The following DNAH9 variants were observed in gnomAD, a reference collection of about 807,000 sequenced individuals.
The protein encoded by DNAH9 is DNAH9 variant protein.
A neutral mutation model predicts 471.6 loss-of-function variants in DNAH9; 345 were observed. That is an observed-to-expected ratio of 0.73 (90% CI 0.67 to 0.80). The LOEUF is 0.80. DNAH9 is among the 30% of genes least tolerant of loss of function. The pLI is 0.00. For missense variants in DNAH9, 5,407 were observed against 5,609.2 expected (o/e 0.96, Z 1.15); for synonymous variants, 2,093 against 2,123.6 (o/e 0.99, Z 0.40).
At chr17:11,874,650 G>A (rs938084251) in intron 52 of DNAH9, among the ~76,000 whole-genome samples, 10 of 151,924 alleles carry the variant, frequency 6.6e-5, no homozygotes, top group African/African-American at 2.4e-4. Context: ...GGAGGTCGTA[G>A]ATTAAAATAC....
chr17:11,598,483 C>G lies in DNAH9; in HGVS notation c.-16C>G. On this transcript the variant is annotated 5_prime_UTR_variant, in exon 1 of 69. Coordinates refer to ENST00000262442, the MANE Select transcript of DNAH9 (RefSeq NM_001372.4). ...CCCGTCGCTAGGGAAACCGATGCAG[C>G]TGGAGGCCGCGCGCGATGCGGCTCG... 1.5e-6 allele frequency: 2 copies of G among 1,359,300 alleles called. No individual in the cohort carries two copies. Among genetic ancestry groups the G allele is most frequent in the Non-Finnish European group, 1.9e-6 (2 of 1,063,546 alleles). The allele number at this position is 1,359,300 out of a possible 1,614,324, so 84.2% of individuals were successfully genotyped here.
chr17:11,899,314 G>A (rs1451617686), intron 59 of DNAH9, among the ~76,000 whole-genome samples: 2 of 152,014 alleles, frequency 1.3e-5, no homozygotes, highest in Non-Finnish European at 2.9e-5. Context: ...CCTTTGTAAG[G>A]GTTTTTTAGG....
At chr17:11,783,328 G>T (rs185558110) in intron 39 of DNAH9, among the ~76,000 whole-genome samples, 74 of 152,314 alleles carry the variant, frequency 4.9e-4, no homozygotes, top group African/African-American at 1.5e-3. Flanking sequence ...TCTCTCTGCA[G>T]CCCTTGATGT....
At chr17:11,924,441 T>A (rs1974245927) in intron 62 of DNAH9, among the ~76,000 whole-genome samples, 1 of 152,028 alleles carries the variant, frequency 6.6e-6, no homozygotes, top group Non-Finnish European at 1.5e-5. Context: ...CTACTACTGA[T>A]AATTTGACTG....
rs11078027 is a variant in DNAH9, at chr17:11,707,217, G to A, written c.5552+2032G>A. ...AAAGGAATTGTATGTCTGAATAACT[G>A]GTTCACTGAGATGAATGACTTGTAG... On this transcript the variant is annotated intron_variant, in intron 26 of 68. Transcript: ENST00000262442. Among the ~76,000 whole-genome samples the A allele has an allele frequency of 9.3e-3, 1,414 of 152,284 alleles. 23 individuals are homozygous for A. Among genetic ancestry groups the A allele is most frequent in the African/African-American group, 0.032 (1,317 of 41,554 alleles).
chr17:11,598,720 G>A lies in DNAH9; in HGVS notation c.222G>A (p.Val74=). ...AAEGPRPLLV[V]RPGPRGLAIR... ...AGGGGCCGCGGCCGCTGCTGGTGGT[G>A]CGGCCCGGGCCCAGGGGCCTGGCAA... The change falls in exon 1 of 69, where the codon GTG becomes GTA. Residue 74 remains valine (V), a synonymous_variant. Transcript: ENST00000262442. The A allele has an allele frequency of 7.2e-7, 1 of 1,381,882 alleles. No individual in the cohort carries two copies. The highest frequency in any genetic ancestry group is 1.5e-5 in the African/African-American group (1 of 65,304). 85.6% of individuals were successfully genotyped at this position (1,381,882 alleles called of 1,614,324 possible). A position where few individuals can be genotyped will look rare whatever the true frequency, so the allele number is the denominator to read the frequency against.
At chr17:11,734,789 T>C (rs1027566410) in intron 28 of DNAH9, among the ~76,000 whole-genome samples, 2 of 152,204 alleles carry the variant, frequency 1.3e-5, no homozygotes, top group African/African-American at 4.8e-5. Context: ...AACCAAAATT[T>C]CTATGAGCAC....
At chr17:11,803,770 G>T (rs1348033564) in intron 43 of DNAH9, among the ~76,000 whole-genome samples, 1 of 152,182 alleles carries the variant, frequency 6.6e-6, no homozygotes, top group Non-Finnish European at 1.5e-5. Flanking sequence ...AATAGGGCTG[G>T]GGGGTTGGGT....
intron 48 of DNAH9, among the ~76,000 whole-genome samples, chr17:11,825,215 CTGTT>C (rs145011173): frequency 0.018 from 2,812 of 152,236 alleles, 93 homozygotes; most frequent in East Asian, 0.17. Context: ...TGATCACTTT[CTGTT>C]TGTTTCAATC....
At chr17:11,838,016 A>G (rs1970903018) in intron 49 of DNAH9, among the ~76,000 whole-genome samples, 1 of 152,244 alleles carries the variant, frequency 6.6e-6, no homozygotes, top group African/African-American at 2.4e-5. Flanking sequence ...TTAATTTCAG[A>G]AAAAAATTAA....
At chr17:11,849,151 T>C (rs1037863160) in intron 49 of DNAH9, among the ~76,000 whole-genome samples, 1 of 152,138 alleles carries the variant, frequency 6.6e-6, no homozygotes, top group African/African-American at 2.4e-5. Context: ...TTTGTAAAAG[T>C]ATTCATAAGT....
intron 38 of DNAH9, among the ~76,000 whole-genome samples, chr17:11,775,526 A>AG (rs1184416902): frequency 6.6e-6 from 1 of 150,574 alleles, no homozygotes; most frequent in African/African-American, 2.4e-5. Flanking sequence ...AGAGGTCTCC[A>AG]GGGGGACTTT....
chr17:11,767,801 T>C (rs543938710), intron 36 of DNAH9, among the ~76,000 whole-genome samples: 1 of 152,222 alleles, frequency 6.6e-6, no homozygotes, highest in Non-Finnish European at 1.5e-5. Context: ...GCATGCAAAT[T>C]ATATGCTTCT....
Position 11,640,264 on chromosome 17 carries a change from CT to C in DNAH9, c.1787-5del. ...TCATTTCGGTCTGTCTGTGCCATGTCTCCAGGGTTCTCCCCGGTGCACAAGA... is the reference window on the plus strand; with the variant it reads ...TCATTTCGGTCTGTCTGTGCCATGTCCCAGGGTTCTCCCCGGTGCACAAGA... On this transcript the variant is annotated splice_polypyrimidine_tract_variant and splice_region_variant and intron_variant, in intron 9 of 68. Coordinates refer to ENST00000262442, the MANE Select transcript of DNAH9 (RefSeq NM_001372.4). 1 of 1,600,252 alleles carries C rather than the reference CT, an allele frequency of 6.2e-7. No individual in the cohort carries two copies. The highest frequency in any genetic ancestry group is 8.6e-7 in the Non-Finnish European group (1 of 1,168,300).
intron 48 of DNAH9, among the ~76,000 whole-genome samples, chr17:11,826,820 C>CTT (rs760330537): frequency 0.01 from 1,031 of 102,948 alleles, 27 homozygotes; most frequent in African/African-American, 0.025. Context: ...TCCCTACTTT[C>CTT]TTTTTTTTTT....
In DNAH9 at chr17:11,902,819, A is replaced by C; in HGVS notation, c.11507A>C (p.Glu3836Ala). 6.2e-7 allele frequency: 1 copy of C among 1,614,060 alleles called. No individual in the cohort carries two copies. The highest frequency in any genetic ancestry group is 2.2e-5 in the East Asian group (1 of 44,880). Residue 3836 changes from glutamate to alanine, a missense_variant, in exon 60 of 69, where the codon GAG becomes GCG. This residue lies in a region of DNAH9 where 4,636 missense variants were observed against 4,900.3 expected (regional missense o/e 0.95). Coordinates refer to ENST00000262442, the MANE Select transcript of DNAH9 (RefSeq NM_001372.4). ...GTGGAGTCCGAATGTCCTGAGAAAG[A>C]GAAGCTCCCACAGGAGTGGAAGAAC... Reference protein sequence around the residue: ...KFVESECPEKEKLPQEWKNKT... With the variant: ...KFVESECPEKAKLPQEWKNKT...
In DNAH9 at chr17:11,690,366, T is replaced by G; in HGVS notation, c.4544T>G (p.Val1515Gly). The G allele has an allele frequency of 6.2e-7, 1 of 1,614,150 alleles. No individual in the cohort carries two copies. Among genetic ancestry groups the G allele is most frequent in the East Asian group, 2.2e-5 (1 of 44,880 alleles). ...VDAVISIWFE[V>G]QRTWTHLESI... is the part of the protein sequence containing the mutation. Reference sequence around the variant, plus strand: ...GCTGTCATCTCTATCTGGTTTGAAGTGCAGCGAACATGGACTCACCTGGAA... The same window carrying G: ...GCTGTCATCTCTATCTGGTTTGAAGGGCAGCGAACATGGACTCACCTGGAA... The change falls in exon 20 of 69, where the codon GTG becomes GGG. Residue 1515 changes from valine to glycine, a missense_variant. Physicochemically the swap from Val to Gly is moderately radical, Grantham distance 109. Around this residue, in one of 3 missense-constraint regions of DNAH9, gnomAD observed 4,636 missense variants for 4,900.3 expected, o/e 0.95. Coordinates refer to ENST00000262442, the MANE Select transcript of DNAH9 (RefSeq NM_001372.4).
intron 65 of DNAH9, among the ~76,000 whole-genome samples, chr17:11,936,103 A>C (rs1219361005): frequency 1.3e-5 from 2 of 152,180 alleles, no homozygotes; most frequent in African/African-American, 4.8e-5. Flanking sequence ...TCTCTTTCTT[A>C]TACTTCTCTT....
At chr17:11,702,448 A>G (rs1167646461) in intron 24 of DNAH9, among the ~76,000 whole-genome samples, 3 of 152,208 alleles carry the variant, frequency 2.0e-5, no homozygotes, top group African/African-American at 7.2e-5. Context: ...GTAGTCATCA[A>G]AGCCATAGAG....
Sources: allele counts gnomAD v4.1 joint callset (sites outside exome capture counted in the v4.1 genomes callset), GRCh38; gene constraint gnomAD v4.1.1; regional missense constraint gnomAD v4.1.1; transcripts MANE v1.5; gene names NCBI Gene and HGNC (gene_info 2026-07-23, HGNC 2026-07-21).